ABCC8: variants seen among roughly 807,000 people sequenced by gnomAD.
ABCC8 encodes the protein ATP binding cassette subfamily C member 8.
A neutral mutation model predicts 188.0 loss-of-function variants in ABCC8; 137 were observed. That is an observed-to-expected ratio of 0.73 (90% CI 0.63 to 0.84). ABCC8 has a LOEUF of 0.84. ABCC8 is among the 40% of genes least tolerant of loss of function. The pLI is 0.00. For missense variants in ABCC8, 1,750 were observed against 2,072.7 expected (o/e 0.84, Z 3.02); for synonymous variants, 797 against 846.5 (o/e 0.94, Z 1.01).
chr11:17,433,953 G>A (rs910804012), intron 10 of ABCC8, among the ~76,000 whole-genome samples: 1 of 152,214 alleles, frequency 6.6e-6, no homozygotes, highest in African/African-American at 2.4e-5. Flanking sequence ...GCAGGAAACA[G>A]CGTAAGTATT....
At chr11:17,457,818 G>C (rs1354328131) in intron 6 of ABCC8, among the ~76,000 whole-genome samples, 1 of 152,342 alleles carries the variant, frequency 6.6e-6, no homozygotes, top group East Asian at 1.9e-4. Context: ...TAGGAAGGAA[G>C]AGTGATGATG....
chr11:17,466,155 C>T (rs1279429440), intron 3 of ABCC8, among the ~76,000 whole-genome samples: 3 of 152,108 alleles, frequency 2.0e-5, no homozygotes, highest in African/African-American at 7.2e-5. Flanking sequence ...AATCCGAGCA[C>T]TTTGGGAGGC....
chr11:17,469,565 C>G (rs1223437622), intron 3 of ABCC8, among the ~76,000 whole-genome samples: 1 of 152,098 alleles, frequency 6.6e-6, no homozygotes, highest in East Asian at 1.9e-4. Context: ...CCACCTCCCC[C>G]TCCTCTGTCA....
chr11:17,444,991 C>T (rs1015331298), intron 8 of ABCC8, among the ~76,000 whole-genome samples: 28 of 152,338 alleles, frequency 1.8e-4, no homozygotes, highest in Non-Finnish European at 4.0e-4. Flanking sequence ...CTACCCTCCT[C>T]TCAGAAAATA....
chr11:17,440,766 T>G (rs528864248), intron 10 of ABCC8, among the ~76,000 whole-genome samples: 64 of 152,360 alleles, frequency 4.2e-4, no homozygotes, highest in African/African-American at 1.5e-3. Flanking sequence ...AAAGGGAGGT[T>G]GGACTCCTGG....
At chr11:17,461,425 T>C (rs1227938595) in intron 5 of ABCC8, 158 bp downstream of exon 5, 20 of 919,768 alleles carry the variant, frequency 2.2e-5, no homozygotes, top group Non-Finnish European at 3.2e-5. Flanking sequence ...CACCTGTCCC[T>C]GGTTCACTGT....
At chr11:17,450,358 CTTCCT>C (rs1446256215) in intron 7 of ABCC8, among the ~76,000 whole-genome samples, 5 of 96,406 alleles carry the variant, frequency 5.2e-5, no homozygotes, top group African/African-American at 7.2e-5. Context: ...TCTTTCTTTC[CTTCCT>C]TTCCTTTCCT....
At chr11:17,424,533 A>G (rs1205186205) in intron 16 of ABCC8, among the ~76,000 whole-genome samples, 1 of 152,164 alleles carries the variant, frequency 6.6e-6, no homozygotes, top group East Asian at 1.9e-4. Flanking sequence ...TAGGACAAGG[A>G]GAGCTCCTGA....
intron 7 of ABCC8, among the ~76,000 whole-genome samples, chr11:17,452,793 A>AT (rs1396377723): frequency 6.6e-6 from 1 of 152,192 alleles, no homozygotes; most frequent in Non-Finnish European, 1.5e-5. Context: ...CCAAGGTTGC[A>AT]TTTACCCTTG....
At position 17,442,899 on chromosome 11, in the gene ABCC8, G is replaced by C. The variant is rs368633197; in HGVS notation, c.1468-17C>G. The C allele has an allele frequency of 6.2e-7, 1 of 1,609,746 alleles. No individual in the cohort carries two copies. Among genetic ancestry groups the C allele is most frequent in the South Asian group, 1.1e-5 (1 of 91,058 alleles). On this transcript the variant is annotated splice_polypyrimidine_tract_variant and intron_variant, in intron 9 of 38. Transcript: ENST00000389817. ...GGAATACTCCTGCAGGGGTCCCCGA[G>C]TCAGAGGGGAGAGGCTTCTGCTCCG...
intron 2 of ABCC8, among the ~76,000 whole-genome samples, chr11:17,473,901 C>G (rs115952990): frequency 9.2e-5 from 14 of 152,354 alleles, no homozygotes; most frequent in African/African-American, 3.4e-4. Flanking sequence ...TCACAGTCCT[C>G]CTGAGATGCC....
intron 17 of ABCC8, 65 bp from the exon 18 acceptor site, chr11:17,415,404 C>A: frequency 1.3e-6 from 2 of 1,577,490 alleles, no homozygotes; most frequent in Non-Finnish European, 1.7e-6. Context: ...CCAGGAAGAT[C>A]CTGAGCTCCC....
intron 3 of ABCC8, among the ~76,000 whole-genome samples, chr11:17,469,280 T>TG (rs1383851528): frequency 6.6e-6 from 1 of 151,740 alleles, no homozygotes; most frequent in Non-Finnish European, 1.5e-5. Context: ...TTAGTAGAGG[T>TG]GGGGGTTTCT....
chr11:17,413,455 C>A lies in ABCC8; in HGVS notation c.2414G>T (p.Cys805Phe). Residue 805 changes from cysteine (C) to phenylalanine (F), a missense_variant, in exon 20 of 39, where the codon TGC becomes TTC. Cys to Phe is a radical substitution (Grantham distance 205). Coordinates refer to ENST00000389817, the MANE Select transcript of ABCC8 (RefSeq NM_000352.6). Reference protein sequence around the residue: ...KQRYKMVIEACSLQPDIDILP... With the variant: ...KQRYKMVIEAFSLQPDIDILP... ...GATGTCGATGTCTGGCTGCAGAGAG[C>A]AGGCTTCAATGACCATCTTGTACCT... The A allele has an allele frequency of 6.2e-7, 1 of 1,614,096 alleles. No individual in the cohort carries two copies. Among genetic ancestry groups the A allele is most frequent in the Non-Finnish European group, 8.5e-7 (1 of 1,180,030 alleles).
intron 27 of ABCC8, 120 bp downstream of exon 27, chr11:17,405,374 T>A: frequency 6.7e-7 from 1 of 1,493,098 alleles, no homozygotes; most frequent in Non-Finnish European, 9.3e-7. Context: ...TCGGGGACAC[T>A]GGCTTCTTCC....
At chr11:17,464,483 A>G (rs1366200668) in intron 3 of ABCC8, among the ~76,000 whole-genome samples, 1 of 152,188 alleles carries the variant, frequency 6.6e-6, no homozygotes, top group Non-Finnish European at 1.5e-5. Flanking sequence ...AGCCTTCTAG[A>G]GCTTAGTTTC....
At chr11:17,464,180 C>T (rs1269525864) in intron 3 of ABCC8, among the ~76,000 whole-genome samples, 1 of 152,194 alleles carries the variant, frequency 6.6e-6, no homozygotes, top group Admixed American at 6.5e-5. Flanking sequence ...TCATTCAATC[C>T]AGCCTTTCAT....
intron 3 of ABCC8, among the ~76,000 whole-genome samples, chr11:17,469,387 C>G (rs1433718712): frequency 6.6e-6 from 1 of 152,088 alleles, no homozygotes; most frequent in Non-Finnish European, 1.5e-5. Flanking sequence ...GCCACGGCAG[C>G]CAGCCCCAGG....
At chr11:17,409,545 T>C (rs757603670) in intron 22 of ABCC8, among the ~76,000 whole-genome samples, 9 of 152,218 alleles carry the variant, frequency 5.9e-5, no homozygotes, top group Non-Finnish European at 8.8e-5. Context: ...TTGGGCCTTT[T>C]TTCTTTGGGT....
Sources: allele counts gnomAD v4.1 joint callset (sites outside exome capture counted in the v4.1 genomes callset), GRCh38; gene constraint gnomAD v4.1.1; transcripts MANE v1.5; gene names NCBI Gene and HGNC (gene_info 2026-07-23, HGNC 2026-07-21).